DIAPH3: variants seen among roughly 807,000 people sequenced by gnomAD.
DIAPH3 encodes protein diaphanous homolog 3.
A neutral mutation model predicts 144.3 loss-of-function variants in DIAPH3; 117 were observed. The ratio of observed to expected loss-of-function variants is 0.81; its 90% CI spans 0.70 to 0.95. The LOEUF is 0.95. DIAPH3 is among the 40% of genes least tolerant of loss of function. The probability of loss-of-function intolerance (pLI) is 0.00; values close to 1 mark genes in which losing one functional copy is unlikely to be tolerated. For synonymous variants in DIAPH3, 519 were observed against 488.9 expected (o/e 1.06, Z -0.81); for missense variants, 1,421 against 1,412.7 (o/e 1.01, Z -0.09).
At chr13:60,045,447 G>A (rs937727005) in intron 4 of DIAPH3, among the ~76,000 whole-genome samples, 7 of 152,066 alleles carry the variant, frequency 4.6e-5, no homozygotes, top group East Asian at 3.9e-4. Flanking sequence ...TTAAAACATC[G>A]TTTGATACCT....
chr13:59,854,863 C>T (rs1313284446), intron 22 of DIAPH3, among the ~76,000 whole-genome samples: 1 of 152,156 alleles, frequency 6.6e-6, no homozygotes, highest in Non-Finnish European at 1.5e-5. Context: ...GTATTGATGA[C>T]ACTTTCAGCC....
At chr13:59,855,370 T>C (rs1268847771) in intron 22 of DIAPH3, among the ~76,000 whole-genome samples, 1 of 152,106 alleles carries the variant, frequency 6.6e-6, no homozygotes, top group East Asian at 1.9e-4. Context: ...TTATTGAACA[T>C]AAAATTGTAC....
chr13:59,833,210 T>G lies in DIAPH3; in HGVS notation c.2924A>C (p.Glu975Ala), dbSNP rs1483722634. 2 of 1,610,006 alleles carry G rather than the reference T, an allele frequency of 1.2e-6. No homozygotes were observed. The highest frequency in any genetic ancestry group is 1.7e-6 in the Non-Finnish European group (2 of 1,177,668). ...TCCTATTATACTCTGGTATAACTTT[T>G]CCATGTTTTCGTGTAACTTCGAAAG... is the stretch of plus-strand genomic sequence containing the variant. ...ETLSKLHENMEKLYQSIIGYY... is the reference protein window; with the variant it reads ...ETLSKLHENMAKLYQSIIGYY... Residue 975 changes from glutamate to alanine, a missense_variant, in exon 24 of 28, where the codon GAA becomes GCA. Transcript: ENST00000400324.
Position 60,082,775 on chromosome 13 carries a change from C to T in DIAPH3, c.495+10853G>A, listed in dbSNP as rs140016494. On this transcript the variant is annotated intron_variant, in intron 4 of 27. Coordinates refer to ENST00000400324, the MANE Select transcript of DIAPH3 (RefSeq NM_001042517.2). ...AAAGTCTGCAGAAATAACATAAGGA[C>T]CATGGTGAGCATTCAAATATAGTTA... Among the ~76,000 whole-genome samples the T allele has an allele frequency of 3.6e-4, 54 of 152,030 alleles. No homozygotes were observed. The Middle Eastern group carries it at 0.01, about 29-fold the overall frequency.
intron 21 of DIAPH3, among the ~76,000 whole-genome samples, chr13:59,875,928 G>A (rs1277165527): frequency 6.6e-6 from 1 of 151,990 alleles, no homozygotes; most frequent in Non-Finnish European, 1.5e-5. Flanking sequence ...AAACTATAAT[G>A]GGCATGAAAC....
chr13:59,761,859 T>C (rs2037607657), intron 27 of DIAPH3, among the ~76,000 whole-genome samples: 1 of 151,972 alleles, frequency 6.6e-6, no homozygotes, highest in East Asian at 1.9e-4. Flanking sequence ...GATAGATAAC[T>C]AAATGAAAGA....
intron 27 of DIAPH3, among the ~76,000 whole-genome samples, chr13:59,742,958 T>C (rs2036535582): frequency 6.6e-6 from 1 of 152,174 alleles, no homozygotes; most frequent in South Asian, 2.1e-4. Context: ...GCAACATTCC[T>C]AGAAGGTGAA....
intron 4 of DIAPH3, among the ~76,000 whole-genome samples, chr13:60,055,100 T>C (rs918113095): frequency 7.9e-5 from 12 of 151,930 alleles, no homozygotes; most frequent in African/African-American, 2.9e-4. Context: ...GAAGCTGGTT[T>C]TAGAGTACAT....
At chr13:59,772,075 T>C (rs938895823) in intron 27 of DIAPH3, among the ~76,000 whole-genome samples, 3 of 152,032 alleles carry the variant, frequency 2.0e-5, no homozygotes, top group African/African-American at 7.2e-5. Flanking sequence ...AAAAATAAGT[T>C]CAATCTTACA....
intron 4 of DIAPH3, among the ~76,000 whole-genome samples, chr13:60,088,517 C>T (rs1352709966): frequency 6.6e-6 from 1 of 152,246 alleles, no homozygotes; most frequent in East Asian, 1.9e-4. Context: ...TCAGGACTTC[C>T]CTAGTTTCAT....
At position 59,991,129 on chromosome 13, in the gene DIAPH3, G is replaced by A. The variant is rs1045494445; in HGVS notation, c.1361+29C>T. On this transcript the variant is annotated intron_variant, in intron 12 of 27. Coordinates refer to ENST00000400324, the MANE Select transcript of DIAPH3 (RefSeq NM_001042517.2). The stretch of plus-strand genomic sequence containing the variant: ...AATTAATAGATTTTTATTAGTGAAA[G>A]AAAACATTAGAATACAACTTCCTCT... 22 of 1,397,308 alleles carry A rather than the reference G, an allele frequency of 1.6e-5. No individual in the cohort carries two copies. The Admixed American group carries it at 1.9e-4, about 12-fold the overall frequency. The allele number at this position is 1,397,308 out of a possible 1,614,324, so 86.6% of individuals were successfully genotyped here. A position where few individuals can be genotyped will look rare whatever the true frequency, so the allele number is the denominator to read the frequency against.
intron 27 of DIAPH3, among the ~76,000 whole-genome samples, chr13:59,753,611 C>A (rs1216753132): frequency 1.3e-5 from 2 of 152,100 alleles, no homozygotes; most frequent in African/African-American, 4.8e-5. Flanking sequence ...TTATACTTGT[C>A]ACTTACAGTG....
intron 25 of DIAPH3, 37 bp downstream of exon 25, chr13:59,810,751 T>C (rs1241546018): frequency 1.9e-6 from 3 of 1,603,368 alleles, no homozygotes; most frequent in Non-Finnish European, 2.6e-6. Context: ...AAATCTTAAG[T>C]ATACATAGAA....
intron 17 of DIAPH3, among the ~76,000 whole-genome samples, chr13:59,934,447 T>C (rs1008033518): frequency 1.3e-5 from 2 of 151,898 alleles, no homozygotes; most frequent in African/African-American, 4.8e-5. Flanking sequence ...GATAATAAAT[T>C]CAACTCAACT....
At chr13:59,745,736 G>A (rs2036668993) in intron 27 of DIAPH3, among the ~76,000 whole-genome samples, 1 of 152,126 alleles carries the variant, frequency 6.6e-6, no homozygotes, top group Non-Finnish European at 1.5e-5. Context: ...CAGCTCCAGT[G>A]AACTGTCACT....
intron 24 of DIAPH3, 154 bp downstream of exon 24, chr13:59,832,953 T>C (rs1434597241): frequency 1.4e-6 from 1 of 691,564 alleles, no homozygotes. Flanking sequence ...AAACCATACA[T>C]TTTTCAATAG....
chr13:59,668,383 T>C (rs902822754), intron 27 of DIAPH3, among the ~76,000 whole-genome samples: 1 of 152,360 alleles, frequency 6.6e-6, no homozygotes, highest in East Asian at 1.9e-4. Context: ...TTTGATTTCC[T>C]GCAAACCACT....
At chr13:59,719,044 T>C (rs1196410937) in intron 27 of DIAPH3, among the ~76,000 whole-genome samples, 1 of 152,198 alleles carries the variant, frequency 6.6e-6, no homozygotes, top group African/African-American at 2.4e-5. Context: ...GGTATGCCTC[T>C]GATAAGGAAC....
intron 2 of DIAPH3, among the ~76,000 whole-genome samples, chr13:60,125,204 T>C (rs924385320): frequency 6.6e-6 from 1 of 152,040 alleles, no homozygotes; most frequent in African/African-American, 2.4e-5. Flanking sequence ...CACAATTCCC[T>C]AGTTATGTTG....
Sources: gnomAD v4.1 joint callset for allele counts (sites outside exome capture counted in the v4.1 genomes callset) on GRCh38, gnomAD v4.1.1 for gene constraint, MANE v1.5 for transcripts, NCBI Gene and HGNC (gene_info 2026-07-23, HGNC 2026-07-21) for gene names.